C8orf34: variants seen among roughly 807,000 people sequenced by gnomAD.
The protein encoded by C8orf34 is chromosome 8 open reading frame 34.
In C8orf34, 65 loss-of-function variants were observed where a neutral mutation model predicts 68.3. That is an observed-to-expected ratio of 0.95 (90% CI 0.78 to 1.17). The LOEUF is 1.17. Ranked by LOEUF, C8orf34 falls within the 50% of genes most tolerant of loss-of-function variation. The pLI, the probability that C8orf34 is intolerant of heterozygous loss-of-function variation, is 0.00. For missense variants in C8orf34, 664 were observed against 655.4 expected (o/e 1.01, Z -0.14); for synonymous variants, 244 against 241.2 (o/e 1.01, Z -0.11).
chr8:68,740,584 T>C (rs1181545727), intron 10 of C8orf34, among the ~76,000 whole-genome samples: 1 of 151,944 alleles, frequency 6.6e-6, no homozygotes, highest in Non-Finnish European at 1.5e-5. Flanking sequence ...AAGTCAAAAA[T>C]TAACAGATAC....
intron 3 of C8orf34, among the ~76,000 whole-genome samples, chr8:68,463,156 C>G (rs1294030957): frequency 6.6e-6 from 1 of 152,116 alleles, no homozygotes; most frequent in African/African-American, 2.4e-5. Flanking sequence ...GAGAATGCTA[C>G]AAACACCTCT....
chr8:68,489,663 C>T (rs192162006), intron 5 of C8orf34, among the ~76,000 whole-genome samples: 1 of 152,204 alleles, frequency 6.6e-6, no homozygotes, highest in African/African-American at 2.4e-5. Context: ...TGTCGATGCT[C>T]AAAAAGTTTC....
At chr8:68,663,197 T>A (rs1819735015) in intron 8 of C8orf34, among the ~76,000 whole-genome samples, 1 of 152,218 alleles carries the variant, frequency 6.6e-6, no homozygotes, top group Non-Finnish European at 1.5e-5. Flanking sequence ...CTTAGGCTTT[T>A]CCTTACATCC....
chr8:68,389,266 G>C (rs1237713515), intron 1 of C8orf34, among the ~76,000 whole-genome samples: 1 of 152,088 alleles, frequency 6.6e-6, no homozygotes, highest in Non-Finnish European at 1.5e-5. Flanking sequence ...TGTCAGTTTT[G>C]CTTCATGATC....
intron 12 of C8orf34, among the ~76,000 whole-genome samples, chr8:68,790,463 C>G (rs1174369500): frequency 6.6e-6 from 1 of 152,068 alleles, no homozygotes; most frequent in Non-Finnish European, 1.5e-5. Flanking sequence ...CAGATAGCTT[C>G]CAAATAACGT....
chr8:68,425,052 C>T (rs1563427634), intron 1 of C8orf34, among the ~76,000 whole-genome samples: 1 of 151,996 alleles, frequency 6.6e-6, no homozygotes, highest in East Asian at 1.9e-4. Context: ...TTAATTGATG[C>T]AAAAATAAAA....
At chr8:68,529,435 T>C (rs928649325) in intron 6 of C8orf34, among the ~76,000 whole-genome samples, 5 of 152,212 alleles carry the variant, frequency 3.3e-5, no homozygotes, top group African/African-American at 9.6e-5. Flanking sequence ...GTATCTGTAA[T>C]TGTGAAATTC....
chr8:68,401,287 G>T (rs1336333944), intron 1 of C8orf34, among the ~76,000 whole-genome samples: 3 of 151,948 alleles, frequency 2.0e-5, no homozygotes, highest in African/African-American at 7.2e-5. Context: ...GGAGTCTTTA[G>T]GATCTTCTAA....
At chr8:68,718,932 T>C (rs1417379890) in intron 9 of C8orf34, among the ~76,000 whole-genome samples, 1 of 152,190 alleles carries the variant, frequency 6.6e-6, no homozygotes, top group Non-Finnish European at 1.5e-5. Context: ...AACTGTAATA[T>C]TTGACAAATT....
rs115733662 is a variant in C8orf34 at position 68,581,020 on chromosome 8, C to T, written c.1105+47871C>T. 4.9e-3 allele frequency among the ~76,000 whole-genome samples: 738 copies of T among 152,158 alleles called. 6 individuals carry two copies. The highest frequency in any genetic ancestry group is 0.017 in the African/African-American group (712 of 41,520). ...GTGTGTGGTGGAAGAAAAAGTCTTC[C>T]TCAAATCTCTTAGGGGTGTTGGCTA... On this transcript the variant is annotated intron_variant, in intron 7 of 13. Coordinates refer to ENST00000518698, the MANE Select transcript of C8orf34 (RefSeq NM_052958.4).
chr8:68,752,757 C>T (rs1822744017), intron 10 of C8orf34, among the ~76,000 whole-genome samples: 1 of 152,026 alleles, frequency 6.6e-6, no homozygotes, highest in African/African-American at 2.4e-5. Context: ...CTGGTATTTT[C>T]CGACTTGAAT....
At chr8:68,562,796 G>A (rs938260099) in intron 7 of C8orf34, among the ~76,000 whole-genome samples, 5 of 152,166 alleles carry the variant, frequency 3.3e-5, no homozygotes, top group African/African-American at 4.8e-5. Flanking sequence ...TCCTTAAGTG[G>A]TACGACTTGT....
At chr8:68,804,638 G>T (rs767324376) in intron 12 of C8orf34, among the ~76,000 whole-genome samples, 3 of 152,034 alleles carry the variant, frequency 2.0e-5, no homozygotes, top group Non-Finnish European at 2.9e-5. Flanking sequence ...TTTAAAATTA[G>T]GTGCATATCT....
chr8:68,331,758 CTT>C, intron 1 of C8orf34, among the ~76,000 whole-genome samples: 2 of 37,332 alleles, frequency 5.4e-5, no homozygotes, highest in East Asian at 6.2e-4. Flanking sequence ...GTTGGATTTT[CTT>C]TTTTCTTTTC....
intron 7 of C8orf34, among the ~76,000 whole-genome samples, chr8:68,580,833 C>T (rs564238275): frequency 2.0e-5 from 3 of 152,188 alleles, no homozygotes; most frequent in African/African-American, 4.8e-5. Flanking sequence ...GTTCCCTATA[C>T]CCTAGGATTT....
chr8:68,748,540 GA>G (rs1371806425), intron 10 of C8orf34, among the ~76,000 whole-genome samples: 2 of 151,874 alleles, frequency 1.3e-5, no homozygotes, highest in East Asian at 3.9e-4. Context: ...AAATTTACAA[GA>G]AAAAAACAAA....
At chr8:68,734,318 C>T (rs1822065695) in intron 10 of C8orf34, among the ~76,000 whole-genome samples, 1 of 151,996 alleles carries the variant, frequency 6.6e-6, no homozygotes, top group African/African-American at 2.4e-5. Flanking sequence ...TGCAAGCAGA[C>T]AGTAGGGAGA....
intron 7 of C8orf34, among the ~76,000 whole-genome samples, chr8:68,587,024 G>A (rs1817230084): frequency 6.6e-6 from 1 of 152,098 alleles, no homozygotes. Context: ...AAAGTTTACA[G>A]CCCCTGTTTT....
chr8:68,801,343 G>A (rs1031951367), intron 12 of C8orf34, among the ~76,000 whole-genome samples: 3 of 152,154 alleles, frequency 2.0e-5, no homozygotes, highest in African/African-American at 7.2e-5. Flanking sequence ...GCAATACTAG[G>A]CTTGCCTTCT....
Sources: allele counts gnomAD v4.1 joint callset (sites outside exome capture counted in the v4.1 genomes callset), GRCh38; gene constraint gnomAD v4.1.1; transcripts MANE v1.5; gene names NCBI Gene and HGNC (gene_info 2026-07-23, HGNC 2026-07-21).